KRCC1: variants seen among roughly 807,000 people sequenced by gnomAD.
KRCC1 encodes lysine rich coiled-coil 1.
Under a neutral mutation model 7.4 loss-of-function variants are expected in KRCC1, and 3 were observed. That is an observed-to-expected ratio of 0.40 (90% confidence interval 0.18 to 1.04). The LOEUF (loss-of-function observed/expected upper bound fraction) is 1.04, where lower values mean the gene tolerates loss of function less well. KRCC1 is among the 50% of genes least tolerant of loss of function. The pLI is 0.33. For missense variants in KRCC1, 277 were observed against 300.9 expected, an observed-to-expected ratio of 0.92 and a Z score of 0.59; for synonymous variants, 102 against 101.6, an observed-to-expected ratio of 1.00 and a Z score of -0.02.
At chr2:88,051,605 G>A (rs1192599253) in intron 1 of KRCC1, among the ~76,000 whole-genome samples, 1 of 152,164 alleles carries the variant, frequency 6.6e-6, no homozygotes, top group Non-Finnish European at 1.5e-5. Flanking sequence ...TTTAATGAAA[G>A]ATATTTACCG....
chr2:88,053,385 C>G (rs896284000), intron 1 of KRCC1, among the ~76,000 whole-genome samples: 3 of 152,030 alleles, frequency 2.0e-5, no homozygotes, highest in African/African-American at 7.2e-5. Flanking sequence ...ATTGCAAAAT[C>G]AAAAACAAAA....
chr2:88,037,691 G>A (rs375970336), intron 1 of KRCC1, among the ~76,000 whole-genome samples: 6 of 152,372 alleles, frequency 3.9e-5, no homozygotes, highest in African/African-American at 1.2e-4. Flanking sequence ...TTACAGGCAT[G>A]AGCCACTGAG....
intron 1 of KRCC1, among the ~76,000 whole-genome samples, chr2:88,042,056 ATCTTT>A (rs1458065990): frequency 8.8e-6 from 1 of 113,026 alleles, no homozygotes; most frequent in Non-Finnish European, 1.7e-5. Context: ...TTAGACCATT[ATCTTT>A]TTTTTTTTTT....
chr2:88,043,252 TCA>T, intron 1 of KRCC1, among the ~76,000 whole-genome samples: 1 of 152,186 alleles, frequency 6.6e-6, no homozygotes, highest in East Asian at 1.9e-4. Flanking sequence ...AAGAGATCAA[TCA>T]CACACACAGC....
chr2:88,038,745 AAGG>A (rs1454430432), intron 1 of KRCC1, among the ~76,000 whole-genome samples: 12 of 152,186 alleles, frequency 7.9e-5, no homozygotes, highest in African/African-American at 2.7e-4. Context: ...AGGTGGTAGG[AAGG>A]AGAAGTGCTG....
chr2:88,028,637 C>T (rs1160673516), intron 3 of KRCC1, 52 bp from the exon 4 acceptor site: 18 of 814,580 alleles, frequency 2.2e-5, no homozygotes, highest in Admixed American at 6.9e-5. Flanking sequence ...TGAGCATTTC[C>T]TTTGCTCTTT....
At chr2:88,051,017 G>C (rs371046588) in intron 1 of KRCC1, among the ~76,000 whole-genome samples, 12 of 150,476 alleles carry the variant, frequency 8.0e-5, no homozygotes, top group African/African-American at 2.9e-4. Flanking sequence ...TCGACCTCCT[G>C]GATTCAAGCA....
intron 1 of KRCC1, among the ~76,000 whole-genome samples, chr2:88,039,093 A>AG (rs1193622104): frequency 2.0e-5 from 3 of 151,948 alleles, no homozygotes; most frequent in Admixed American, 1.3e-4. Context: ...ACAGAAAAAA[A>AG]TCTGAAAAGA....
intron 3 of KRCC1, 56 bp from the exon 4 acceptor site, chr2:88,028,641 G>GCC (rs1672930115): frequency 2.8e-6 from 2 of 708,492 alleles, no homozygotes; most frequent in Non-Finnish European, 4.1e-6. Context: ...CATTTCCTTT[G>GCC]CTCTTTTTTT....
At chr2:88,033,750 T>C (rs1573075700) in intron 3 of KRCC1, among the ~76,000 whole-genome samples, 1 of 152,350 alleles carries the variant, frequency 6.6e-6, no homozygotes, top group Middle Eastern at 3.4e-3. Context: ...TCATTCATTG[T>C]TTGCGGGAAT....
Position 88,048,086 on chromosome 2 carries a change from A to ATTTT in KRCC1, c.-291+7536_-291+7539dup, listed in dbSNP as rs56138611. ...AGCAATGTTATGTCATTTTCAGTGT[A>ATTTT]TTTTTTTTTTTTGAGATGGGAGTTT... On this transcript the variant is annotated intron_variant, in intron 1 of 3. Transcript: ENST00000347055. Among the ~76,000 whole-genome samples, 1,082 of 146,960 alleles carry ATTTT rather than the reference A, an allele frequency of 7.4e-3. 18 individuals are homozygous for ATTTT. Among genetic ancestry groups the ATTTT allele is most frequent in the African/African-American group, 0.022 (886 of 39,952 alleles).
At chr2:88,038,001 A>T (rs942772766) in intron 1 of KRCC1, among the ~76,000 whole-genome samples, 3 of 152,224 alleles carry the variant, frequency 2.0e-5, no homozygotes, top group African/African-American at 7.2e-5. Flanking sequence ...TAACATCAAA[A>T]TTGTACTTTC....
intron 1 of KRCC1, among the ~76,000 whole-genome samples, chr2:88,043,261 C>T (rs1210168550): frequency 6.6e-6 from 1 of 152,186 alleles, no homozygotes; most frequent in Non-Finnish European, 1.5e-5. Flanking sequence ...ATCACACACA[C>T]AGCAGAAGTA....
chr2:88,042,195 G>A (rs1014880390), intron 1 of KRCC1, among the ~76,000 whole-genome samples: 1 of 151,688 alleles, frequency 6.6e-6, no homozygotes, highest in East Asian at 1.9e-4. Context: ...TGAGTAGCTG[G>A]GACTACAGGC....
At chr2:88,046,932 C>T (rs1290821869) in intron 1 of KRCC1, among the ~76,000 whole-genome samples, 1 of 152,202 alleles carries the variant, frequency 6.6e-6, no homozygotes, top group African/African-American at 2.4e-5. Flanking sequence ...CCTCAGCCTC[C>T]CAAAGCAGTG....
chr2:88,049,427 G>A (rs1673418899), intron 1 of KRCC1, among the ~76,000 whole-genome samples: 1 of 152,214 alleles, frequency 6.6e-6, no homozygotes, highest in African/African-American at 2.4e-5. Context: ...TAGGTGGATC[G>A]TTTGAGTCCA....
chr2:88,031,811 G>A (rs937583115), intron 3 of KRCC1, among the ~76,000 whole-genome samples: 1 of 151,822 alleles, frequency 6.6e-6, no homozygotes, highest in Non-Finnish European at 1.5e-5. Flanking sequence ...CAGTAAGCTA[G>A]GGTTAATTTA....
chr2:88,035,198 T>C (rs894685954), intron 2 of KRCC1, among the ~76,000 whole-genome samples: 1 of 152,242 alleles, frequency 6.6e-6, no homozygotes, highest in Admixed American at 6.5e-5. Context: ...CAAAGTTTTA[T>C]GTTTCTGTTT....
At chr2:88,044,334 C>T (rs1288994723) in intron 1 of KRCC1, among the ~76,000 whole-genome samples, 1 of 151,640 alleles carries the variant, frequency 6.6e-6, no homozygotes, top group Non-Finnish European at 1.5e-5. Flanking sequence ...CAGCAGGGAT[C>T]ACTTGAGTCC....
Sources: gnomAD v4.1 joint callset for allele counts (sites outside exome capture counted in the v4.1 genomes callset) on GRCh38, gnomAD v4.1.1 for gene constraint, MANE v1.5 for transcripts, NCBI Gene and HGNC (gene_info 2026-07-23, HGNC 2026-07-21) for gene names.